The following KLHL20 variants were observed in gnomAD, a reference collection of about 807,000 sequenced individuals.
KLHL20 encodes kelch-like protein 20.
A neutral mutation model predicts 69.5 loss-of-function variants in KLHL20; 29 were observed. The observed-to-expected ratio is 0.42, with a 90% CI of 0.31 to 0.57. The LOEUF (loss-of-function observed/expected upper bound fraction) is 0.57. KLHL20 is among the 20% of genes least tolerant of loss of function. The probability of loss-of-function intolerance (pLI) is 0.18; values close to 1 mark genes in which losing one functional copy is unlikely to be tolerated. For synonymous variants in KLHL20, 253 were observed against 265.2 expected, an observed-to-expected ratio of 0.95 and a Z score of 0.45; for missense variants, 419 against 776.0, an observed-to-expected ratio of 0.54 and a Z score of 5.47.
At chr1:173,729,185 T>A (rs1401654800) in intron 2 of KLHL20, among the ~76,000 whole-genome samples, 1 of 152,160 alleles carries the variant, frequency 6.6e-6, no homozygotes, top group Non-Finnish European at 1.5e-5. Flanking sequence ...AGAAGTTGAA[T>A]CTCTGAATAG....
chr1:173,739,476 G>A (rs376851486), intron 3 of KLHL20, among the ~76,000 whole-genome samples: 1 of 151,988 alleles, frequency 6.6e-6, no homozygotes, highest in East Asian at 1.9e-4. Context: ...TCTCACTGTT[G>A]TTATTGGTCT....
chr1:173,754,444 C>T (rs1479727245), intron 5 of KLHL20, among the ~76,000 whole-genome samples: 1 of 151,972 alleles, frequency 6.6e-6, no homozygotes, highest in Non-Finnish European at 1.5e-5. Context: ...ATTAGCTGGA[C>T]ATGGTGGTGC....
chr1:173,761,077 G>T (rs1647268908), intron 7 of KLHL20, among the ~76,000 whole-genome samples: 1 of 152,008 alleles, frequency 6.6e-6, no homozygotes, highest in African/African-American at 2.4e-5. Flanking sequence ...AGCGAGCAGG[G>T]GTAGCTCTTC....
At chr1:173,776,977 G>C (rs1162516986) in intron 10 of KLHL20, among the ~76,000 whole-genome samples, 1 of 152,046 alleles carries the variant, frequency 6.6e-6, no homozygotes, top group Non-Finnish European at 1.5e-5. Context: ...TATTTTGGTA[G>C]GGATTGCATT....
chr1:173,770,680 CAAAAAAAAAAAAGAGAGAG>C (rs1210026384), intron 8 of KLHL20, among the ~76,000 whole-genome samples: 1 of 99,780 alleles, frequency 1.0e-5, no homozygotes, highest in Non-Finnish European at 2.2e-5. Context: ...AACTCTCTCT[CAAAAAAAAAAAAGAGAGAG>C]GAAAAAAAAA....
chr1:173,723,819 G>A (rs562956444), intron 2 of KLHL20, among the ~76,000 whole-genome samples: 15 of 152,210 alleles, frequency 9.9e-5, no homozygotes, highest in Middle Eastern at 6.8e-3. Context: ...GAAATATAAC[G>A]ATCTGGAGCA....
intron 10 of KLHL20, among the ~76,000 whole-genome samples, chr1:173,780,992 TGA>T (rs752898073): frequency 5.9e-5 from 7 of 119,336 alleles, no homozygotes; most frequent in Admixed American, 2.3e-4. Flanking sequence ...ACCCTGTGAG[TGA>T]GAGAGAGAGA....
At chr1:173,784,159 C>T (rs992929021) in intron 11 of KLHL20, among the ~76,000 whole-genome samples, 2 of 152,086 alleles carry the variant, frequency 1.3e-5, no homozygotes, top group South Asian at 2.1e-4. Flanking sequence ...CAGTACCATA[C>T]CAGTAGATGG....
intron 8 of KLHL20, among the ~76,000 whole-genome samples, chr1:173,771,469 G>A (rs1172798031): frequency 1.3e-5 from 2 of 152,054 alleles, no homozygotes; most frequent in Admixed American, 6.6e-5. Context: ...GATTAAAAGG[G>A]GGAGGGCTGG....
intron 2 of KLHL20, among the ~76,000 whole-genome samples, chr1:173,726,732 A>AC (rs1466343863): frequency 6.6e-6 from 1 of 152,150 alleles, no homozygotes; most frequent in African/African-American, 2.4e-5. Context: ...ATACATCCAC[A>AC]CCAAAACCCC....
Position 173,786,528 on chromosome 1 carries a change from C to G in KLHL20, c.*1281C>G, listed in dbSNP as rs1649210073. On this transcript the variant is annotated 3_prime_UTR_variant, in exon 12 of 12. Transcript: ENST00000209884. ...GGAATAACCTCCTTCTCCCTTTCCCCAACTACAAAAATGTTTGGCAACTTT... is the reference window on the plus strand; with the variant it reads ...GGAATAACCTCCTTCTCCCTTTCCCGAACTACAAAAATGTTTGGCAACTTT... 6.6e-6 allele frequency: 1 copy of G among 152,462 alleles called. No individual in the cohort carries two copies. Among genetic ancestry groups the G allele is most frequent in the African/African-American group, 2.4e-5 (1 of 41,406 alleles). 9.4% of individuals were successfully genotyped at this position (152,462 alleles called of 1,614,324 possible). A position where few individuals can be genotyped will look rare whatever the true frequency, so the allele number is the denominator to read the frequency against.
intron 5 of KLHL20, among the ~76,000 whole-genome samples, chr1:173,753,973 AC>A (rs1219941038): frequency 3.3e-5 from 5 of 152,210 alleles, no homozygotes; most frequent in African/African-American, 1.2e-4. Flanking sequence ...GGGATTGTTA[AC>A]CATTTTTCCC....
At chr1:173,774,778 A>G (rs1648345269) in intron 9 of KLHL20, among the ~76,000 whole-genome samples, 1 of 152,138 alleles carries the variant, frequency 6.6e-6, no homozygotes, top group Non-Finnish European at 1.5e-5. Context: ...ATAAATAAAA[A>G]CTTAGAACTA....
rs773374234 is a variant in KLHL20 at position 173,753,221 on chromosome 1, G to A, written c.765G>A (p.Gln255=). 2.5e-6 allele frequency: 4 copies of A among 1,613,294 alleles called. No individual in the cohort carries two copies. The South Asian group carries it at 3.3e-5, about 13-fold the overall frequency. Reference sequence around the variant, plus strand: ...TGTTTATTTTCTCATAGGTGCTGCAGCATGTTCGTTTGCCTTTGCTTAGTC... The same window carrying A: ...TGTTTATTTTCTCATAGGTGCTGCAACATGTTCGTTTGCCTTTGCTTAGTC... ...ERRPQLPQVL[Q]HVRLPLLSPK... Residue 255 remains glutamine, a synonymous_variant, in exon 5 of 12, where the codon CAG becomes CAA. Transcript: ENST00000209884.
intron 2 of KLHL20, among the ~76,000 whole-genome samples, chr1:173,722,809 C>G (rs558835692): frequency 2.4e-4 from 36 of 151,978 alleles, no homozygotes; most frequent in African/African-American, 8.2e-4. Context: ...CCTGCCTCAG[C>G]CTCCCAAGTA....
intron 2 of KLHL20, among the ~76,000 whole-genome samples, chr1:173,717,389 T>C (rs1223764051): frequency 6.6e-6 from 1 of 152,240 alleles, no homozygotes; most frequent in African/African-American, 2.4e-5. Context: ...ATAATTCTAG[T>C]GCTGTTAATC....
At chr1:173,760,385 T>C (rs570094592) in intron 7 of KLHL20, among the ~76,000 whole-genome samples, 7 of 152,094 alleles carry the variant, frequency 4.6e-5, no homozygotes, top group Admixed American at 4.6e-4. Context: ...GTGAAATTCA[T>C]CACAAAAAGA....
chr1:173,777,994 T>G (rs1378296314), intron 10 of KLHL20, among the ~76,000 whole-genome samples: 1 of 152,248 alleles, frequency 6.6e-6, no homozygotes, highest in Non-Finnish European at 1.5e-5. Flanking sequence ...GTATTAATTC[T>G]TCTTTAAATA....
At chr1:173,764,166 A>G (rs575727709) in intron 7 of KLHL20, among the ~76,000 whole-genome samples, 26 of 152,348 alleles carry the variant, frequency 1.7e-4, no homozygotes, top group African/African-American at 6.3e-4. Flanking sequence ...AATGAAAACC[A>G]CAATGCGATA....
Sources: gnomAD v4.1 joint callset for allele counts (sites outside exome capture counted in the v4.1 genomes callset) on GRCh38, gnomAD v4.1.1 for gene constraint, MANE v1.5 for transcripts, NCBI Gene and HGNC (gene_info 2026-07-23, HGNC 2026-07-21) for gene names.